The following CDH2 variants were observed in gnomAD, a reference collection of about 807,000 sequenced individuals.
CDH2 encodes cadherin 2, also known as cadherin-2.
In CDH2, 17 loss-of-function variants were observed where a neutral mutation model predicts 92.0. That is an observed-to-expected ratio of 0.18 (90% confidence interval 0.13 to 0.28). The LOEUF is 0.28. Ranked by LOEUF, CDH2 falls within the 10% of genes least tolerant of loss-of-function variation. The probability of loss-of-function intolerance (pLI) is 1.00; values close to 1 mark genes in which losing one functional copy is unlikely to be tolerated. For missense variants in CDH2, 862 were observed against 1,133.1 expected, an observed-to-expected ratio of 0.76 and a Z score of 3.44; for synonymous variants, 419 against 415.9, an observed-to-expected ratio of 1.01 and a Z score of -0.09.
At chr18:27,992,449 G>C (rs1281515676) in intron 9 of CDH2, among the ~76,000 whole-genome samples, 13 of 152,140 alleles carry the variant, frequency 8.5e-5, no homozygotes, top group Admixed American at 6.5e-5. Flanking sequence ...TCACATCAGT[G>C]ATGATGTGAG....
intron 15 of CDH2, among the ~76,000 whole-genome samples, chr18:27,961,236 T>C (rs1388399110): frequency 6.6e-6 from 1 of 151,276 alleles, no homozygotes; most frequent in African/African-American, 2.4e-5. Context: ...CTTGAATGCC[T>C]GAAAATGACA....
At chr18:28,026,280 C>A (rs771858458) in intron 2 of CDH2, among the ~76,000 whole-genome samples, 10 of 152,148 alleles carry the variant, frequency 6.6e-5, no homozygotes, top group Non-Finnish European at 1.2e-4. Flanking sequence ...CACTGAAGTT[C>A]TAGCCAAAAT....
Position 28,100,870 on chromosome 18 carries a change from ACACTGCCCAACT to A in CDH2, c.172+46791_172+46802del, listed in dbSNP as rs2144232155. Among the ~76,000 whole-genome samples, 2 of 152,330 alleles carry A rather than the reference ACACTGCCCAACT, an allele frequency of 1.3e-5. 1 individual carries two copies. Among genetic ancestry groups the A allele is most frequent in the Admixed American group, 1.3e-4 (2 of 15,298 alleles). On this transcript the variant is annotated intron_variant, in intron 2 of 15. Transcript: ENST00000269141. The stretch of plus-strand genomic sequence containing the variant: ...TATGGGCCACATCAATGCAATGTGC[ACACTGCCCAACT>A]CACTAGCTGAAACATTACATCTTCC...
chr18:28,023,350 G>A (rs544295588), intron 2 of CDH2, among the ~76,000 whole-genome samples: 1 of 152,248 alleles, frequency 6.6e-6, no homozygotes, highest in South Asian at 2.1e-4. Context: ...TTGAGACAGA[G>A]TCTTGCTTTG....
In CDH2 at chr18:27,988,658, T is replaced by G; in HGVS notation, c.1607A>C (p.Lys536Thr). The G allele has an allele frequency of 6.3e-7, 1 of 1,595,698 alleles. No individual in the cohort carries two copies. The highest frequency in any genetic ancestry group is 8.6e-7 in the Non-Finnish European group (1 of 1,165,880). ...RYMQQNIRYT[K>T]LSDPANWLKI... Reference sequence around the variant, plus strand: ...TAGCCAATTGGCAGGATCAGATAATTTAGTGTATCTACAAAATGAAAGTGA... The same window carrying G: ...TAGCCAATTGGCAGGATCAGATAATGTAGTGTATCTACAAAATGAAAGTGA... Residue 536 changes from lysine (K) to threonine (T), a missense_variant, in exon 11 of 16, where the codon AAA becomes ACA. By Grantham distance (78) the Lys-to-Thr change is moderately conservative. Around this residue, in one of 5 missense-constraint regions of CDH2, gnomAD observed 564 missense variants for 722.2 expected, o/e 0.78. Coordinates refer to ENST00000269141, the MANE Select transcript of CDH2 (RefSeq NM_001792.5).
chr18:27,999,772 G>A (rs1157924737), intron 7 of CDH2, among the ~76,000 whole-genome samples: 1 of 150,824 alleles, frequency 6.6e-6, no homozygotes, highest in East Asian at 1.9e-4. Context: ...ATATGGTTTG[G>A]CTCTGTGTCC....
chr18:28,034,594 T>C (rs2013779223), intron 2 of CDH2, among the ~76,000 whole-genome samples: 1 of 151,958 alleles, frequency 6.6e-6, no homozygotes, highest in South Asian at 2.1e-4. Context: ...AAAAATTACA[T>C]AGGCCTTAAT....
At chr18:28,132,182 C>T (rs1013384510) in intron 2 of CDH2, among the ~76,000 whole-genome samples, 1 of 152,222 alleles carries the variant, frequency 6.6e-6, no homozygotes, top group African/African-American at 2.4e-5. Flanking sequence ...GCGCTCACAT[C>T]CTTGCTGAGA....
Position 27,992,745 on chromosome 18 carries a change from T to TG in CDH2, c.1253dup (p.Val419SerfsTer35), listed in dbSNP as rs745847218. 6.2e-7 allele frequency: 1 copy of TG among 1,613,726 alleles called. No homozygotes were observed. Among genetic ancestry groups the TG allele is most frequent in the Admixed American group, 1.7e-5 (1 of 60,014 alleles). ...GATCTCCGCCACTGATTCTGTACACTGCGTTCCAGGCTGGTGTATGGGGTT... is the reference window on the plus strand; with the variant it reads ...GATCTCCGCCACTGATTCTGTACACTGGCGTTCCAGGCTGGTGTATGGGGTT... On this transcript the variant is annotated frameshift_variant, in exon 9 of 16. Transcript: ENST00000269141. LOFTEE classifies it high-confidence loss of function.
intron 5 of CDH2, among the ~76,000 whole-genome samples, chr18:28,007,493 C>T (rs1417812069): frequency 6.6e-6 from 1 of 151,656 alleles, no homozygotes; most frequent in African/African-American, 2.4e-5. Context: ...TCAACATATC[C>T]TTTTTTAAAT....
intron 2 of CDH2, among the ~76,000 whole-genome samples, chr18:28,079,466 T>C (rs537275596): frequency 6.6e-6 from 1 of 152,334 alleles, no homozygotes; most frequent in African/African-American, 2.4e-5. Flanking sequence ...TGTTATTCTA[T>C]AGCTAAGTGT....
chr18:28,173,534 T>C (rs1192096530), intron 1 of CDH2, among the ~76,000 whole-genome samples: 3 of 152,202 alleles, frequency 2.0e-5, no homozygotes, highest in African/African-American at 4.8e-5. Context: ...ATACTTCATA[T>C]GTTGAATATT....
intron 2 of CDH2, among the ~76,000 whole-genome samples, chr18:28,073,055 T>C (rs2014650962): frequency 6.6e-6 from 1 of 152,140 alleles, no homozygotes; most frequent in Non-Finnish European, 1.5e-5. Context: ...ATTTTTTTTT[T>C]CAAAATATAA....
chr18:28,171,129 CT>C (rs1034114667), intron 1 of CDH2, among the ~76,000 whole-genome samples: 2 of 151,358 alleles, frequency 1.3e-5, no homozygotes, highest in African/African-American at 4.9e-5. Context: ...ACACAGGAGG[CT>C]GAGGCAGGAG....
At chr18:27,954,116 GTAAAA>G (rs1469908509) in intron 15 of CDH2, among the ~76,000 whole-genome samples, 5 of 152,188 alleles carry the variant, frequency 3.3e-5, no homozygotes, top group South Asian at 2.1e-4. Flanking sequence ...AAAAGCCTGT[GTAAAA>G]TAAAATAAAG....
At position 27,951,953 on chromosome 18, in the gene CDH2, T is replaced by C. The variant is rs937271669; in HGVS notation, c.*200A>G. The C allele has an allele frequency of 1.2e-5, 7 of 584,794 alleles. No individual in the cohort carries two copies. The African/African-American group carries it at 1.3e-4, about 11-fold the overall frequency. 36.2% of individuals were successfully genotyped at this position (584,794 alleles called of 1,614,324 possible). ...GCTTCTGTACTGTAAAATTCAAGTG[T>C]AACTGAGCTCAGTGTTTTTCCAAAC... On this transcript the variant is annotated 3_prime_UTR_variant, in exon 16 of 16. Transcript: ENST00000269141.
chr18:28,158,010 TC>T (rs922326063), intron 1 of CDH2, among the ~76,000 whole-genome samples: 2 of 152,098 alleles, frequency 1.3e-5, no homozygotes, highest in African/African-American at 4.8e-5. Flanking sequence ...TGCTCTGGAG[TC>T]CCCTGTATTC....
At chr18:28,075,384 A>T (rs1327888513) in intron 2 of CDH2, among the ~76,000 whole-genome samples, 1 of 152,124 alleles carries the variant, frequency 6.6e-6, no homozygotes, top group Non-Finnish European at 1.5e-5. Context: ...TCTGTGCCCT[A>T]GCAAGACTCA....
chr18:28,029,728 G>A (rs536788638), intron 2 of CDH2, among the ~76,000 whole-genome samples: 4 of 152,142 alleles, frequency 2.6e-5, no homozygotes, highest in African/African-American at 7.2e-5. Context: ...TCCACATCAC[G>A]TGTTTTATCT....
Sources: gnomAD v4.1 joint callset for allele counts (sites outside exome capture counted in the v4.1 genomes callset) on GRCh38, gnomAD v4.1.1 for gene constraint, gnomAD v4.1.1 regional missense constraint, MANE v1.5 for transcripts, NCBI Gene and HGNC (gene_info 2026-07-23, HGNC 2026-07-21) for gene names.